The following SAMTOR variants were observed in gnomAD, a reference collection of about 807,000 sequenced individuals.
SAMTOR encodes UPF0532 protein C7orf60.
chr7:112,891,675 T>C, the SAMTOR span, among the ~76,000 whole-genome samples: 29 of 152,208 alleles, frequency 1.9e-4, no homozygotes, highest in African/African-American at 6.8e-4. Context: ...TTCCAGTGCA[T>C]ATAAGTTATG....
chr7:112,825,641 C>G, the SAMTOR span, among the ~76,000 whole-genome samples: 3 of 152,142 alleles, frequency 2.0e-5, no homozygotes, highest in African/African-American at 7.2e-5. Flanking sequence ...TACAGTTTTA[C>G]TTCTTTCCAA....
the SAMTOR span, among the ~76,000 whole-genome samples, chr7:112,835,007 T>G: frequency 3.3e-5 from 5 of 152,306 alleles, no homozygotes; most frequent in East Asian, 9.6e-4. Flanking sequence ...TTGTTCTATT[T>G]TATTGTTATT....
chr7:112,891,647 T>A, the SAMTOR span, among the ~76,000 whole-genome samples: 7 of 152,268 alleles, frequency 4.6e-5, no homozygotes, highest in Non-Finnish European at 1.0e-4. Flanking sequence ...TAAAGCAAGT[T>A]ACAAAATTTT....
the SAMTOR span, among the ~76,000 whole-genome samples, chr7:112,899,024 GC>G: frequency 6.6e-6 from 1 of 152,128 alleles, no homozygotes; most frequent in East Asian, 1.9e-4. Context: ...ACTCTTCTAT[GC>G]CCAGACACTG....
chr7:112,832,169 G>A, the SAMTOR span, among the ~76,000 whole-genome samples: 10 of 151,934 alleles, frequency 6.6e-5, no homozygotes, highest in Admixed American at 3.3e-4. Context: ...TTGCCACCAC[G>A]CCCAGCTACA....
the SAMTOR span, among the ~76,000 whole-genome samples, chr7:112,900,417 A>G: frequency 2.3e-4 from 35 of 152,336 alleles, no homozygotes; most frequent in East Asian, 6.7e-3. Context: ...CTCACCCACA[A>G]TAGAGAGGGC....
At chr7:112,932,972 A>G in the SAMTOR span, among the ~76,000 whole-genome samples, 1 of 152,224 alleles carries the variant, frequency 6.6e-6, no homozygotes, top group South Asian at 2.1e-4. Flanking sequence ...TTCCAGTACA[A>G]CAGTACTTCT....
At chr7:112,844,602 C>CA in the SAMTOR span, among the ~76,000 whole-genome samples, 2 of 151,832 alleles carry the variant, frequency 1.3e-5, no homozygotes, top group African/African-American at 4.8e-5. Context: ...AGAGACAACA[C>CA]AAAAAAATGG....
At chr7:112,917,287 C>T in the SAMTOR span, among the ~76,000 whole-genome samples, 6 of 152,208 alleles carry the variant, frequency 3.9e-5, no homozygotes, top group African/African-American at 1.4e-4. Flanking sequence ...GCAGCATTCG[C>T]GGTTCACGAA....
chr7:112,910,030 G>A, the SAMTOR span, among the ~76,000 whole-genome samples: 3 of 151,794 alleles, frequency 2.0e-5, no homozygotes, highest in African/African-American at 2.4e-5. Flanking sequence ...GCCAGGTCTC[G>A]ACGAGGGGAA....
At chr7:112,901,294 G>A in the SAMTOR span, among the ~76,000 whole-genome samples, 1 of 152,170 alleles carries the variant, frequency 6.6e-6, no homozygotes, top group Non-Finnish European at 1.5e-5. Context: ...CACCTTGTCA[G>A]ATCAGTGACA....
chr7:112,913,153 A>G, the SAMTOR span, among the ~76,000 whole-genome samples: 1 of 152,200 alleles, frequency 6.6e-6, no homozygotes, highest in Non-Finnish European at 1.5e-5. Flanking sequence ...CTCTCTAGAA[A>G]TGCAAATAAA....
chr7:112,879,599 A>G, the SAMTOR span, among the ~76,000 whole-genome samples: 131 of 152,282 alleles, frequency 8.6e-4, 5 homozygotes, highest in East Asian at 0.024. Flanking sequence ...GCTTAGGACC[A>G]GAAGTGTTTT....
At chr7:112,824,994 C>CA in the SAMTOR span, among the ~76,000 whole-genome samples, 1 of 151,968 alleles carries the variant, frequency 6.6e-6, no homozygotes, top group South Asian at 2.1e-4. Flanking sequence ...TCAATTTCTA[C>CA]AAAAAAGCCC....
chr7:112,915,620 AAATAC>A, the SAMTOR span, among the ~76,000 whole-genome samples: 3 of 152,222 alleles, frequency 2.0e-5, no homozygotes, highest in Non-Finnish European at 4.4e-5. Context: ...ACATTTAAAT[AAATAC>A]ATTTAAATAA....
At chr7:112,877,450 C>T in the SAMTOR span, among the ~76,000 whole-genome samples, 1 of 152,048 alleles carries the variant, frequency 6.6e-6, no homozygotes, top group Non-Finnish European at 1.5e-5. Flanking sequence ...TGCTATTTAC[C>T]ATATTAGAAC....
chr7:112,918,723 C>G, the SAMTOR span, among the ~76,000 whole-genome samples: 2 of 152,140 alleles, frequency 1.3e-5, no homozygotes, highest in African/African-American at 4.8e-5. Flanking sequence ...CAGAGACACA[C>G]ATAGGCTCAA....
the SAMTOR span, among the ~76,000 whole-genome samples, chr7:112,885,199 T>C: frequency 4.6e-5 from 7 of 152,200 alleles, no homozygotes; most frequent in East Asian, 3.9e-4. Flanking sequence ...CATGAAACCA[T>C]TTTTCCTCCC....
chr7:112,827,360 C>G, the SAMTOR span, among the ~76,000 whole-genome samples: 18 of 152,114 alleles, frequency 1.2e-4, no homozygotes, highest in African/African-American at 4.3e-4. Context: ...TGTTCCCTTC[C>G]CCTCTTCCTT....
Sources: gnomAD v4.1 joint callset for allele counts (sites outside exome capture counted in the v4.1 genomes callset) on GRCh38, gnomAD v4.1.1 for gene constraint, MANE v1.5 for transcripts, NCBI Gene and HGNC (gene_info 2026-07-23, HGNC 2026-07-21) for gene names.